The following BLTP2 variants were observed in gnomAD, a reference collection of about 807,000 sequenced individuals.
BLTP2 encodes U937-associated antigen.
At chr17:28,623,945 T>C in the BLTP2 span, 2 of 1,613,806 alleles carry the variant, frequency 1.2e-6, no homozygotes, top group Non-Finnish European at 1.7e-6. Flanking sequence ...CAGCCTTCTG[T>C]CTCTGCTCCA....
chr17:28,634,684 A>G, the BLTP2 span: 47 of 1,614,038 alleles, frequency 2.9e-5, no homozygotes, highest in Non-Finnish European at 3.8e-5. Flanking sequence ...TAGCCCTGCT[A>G]AGCTCCAAGT....
chr17:28,631,201 T>C, the BLTP2 span, among the ~76,000 whole-genome samples: 1 of 152,106 alleles, frequency 6.6e-6, no homozygotes. Flanking sequence ...GCTTTTACAA[T>C]AAGAGAAACC....
the BLTP2 span, chr17:28,634,144 G>A: frequency 1.4e-6 from 2 of 1,464,816 alleles, no homozygotes; most frequent in African/African-American, 1.4e-5. Context: ...GCACTCTCGG[G>A]CCTATCTTTT....
chr17:28,623,379 C>T, the BLTP2 span, among the ~76,000 whole-genome samples: 1 of 152,112 alleles, frequency 6.6e-6, no homozygotes, highest in Non-Finnish European at 1.5e-5. Context: ...CTGAAATAAC[C>T]AATCAGTCAT....
the BLTP2 span, among the ~76,000 whole-genome samples, chr17:28,629,923 G>A: frequency 1.3e-5 from 2 of 151,982 alleles, no homozygotes; most frequent in African/African-American, 2.4e-5. Flanking sequence ...CCTTAATGGT[G>A]CAATCCTGGC....
the BLTP2 span, among the ~76,000 whole-genome samples, chr17:28,625,980 G>A: frequency 6.6e-6 from 1 of 152,176 alleles, no homozygotes; most frequent in Non-Finnish European, 1.5e-5. Context: ...GGCCAGGCTG[G>A]TCTCAAGCTC....
At chr17:28,640,033 G>A in the BLTP2 span, 44 of 1,612,662 alleles carry the variant, frequency 2.7e-5, no homozygotes, top group Admixed American at 3.3e-5. Flanking sequence ...TGCCTGGACC[G>A]AGACAGATTC....
chr17:28,633,469 C>T, the BLTP2 span: 4 of 1,581,408 alleles, frequency 2.5e-6, no homozygotes, highest in East Asian at 4.5e-5. Context: ...CAAATCAGCA[C>T]CTGTCTCTCT....
At chr17:28,642,081 G>C in the BLTP2 span, 1 of 1,613,244 alleles carries the variant, frequency 6.2e-7, no homozygotes, top group Non-Finnish European at 8.5e-7. Context: ...GTGTCCTCCT[G>C]TGGGGATGAT....
chr17:28,632,202 G>C, the BLTP2 span: 2 of 1,613,692 alleles, frequency 1.2e-6, no homozygotes, highest in South Asian at 2.2e-5. Flanking sequence ...TCCAGCGCAG[G>C]GTACTACTAT....
At chr17:28,622,160 G>T in the BLTP2 span, among the ~76,000 whole-genome samples, 1 of 152,128 alleles carries the variant, frequency 6.6e-6, no homozygotes, top group Non-Finnish European at 1.5e-5. Context: ...TGCAAAAAAT[G>T]CCAGAAAGAT....
the BLTP2 span, chr17:28,637,737 T>C: frequency 8.4e-7 from 1 of 1,189,822 alleles, no homozygotes; most frequent in Non-Finnish European, 1.2e-6. Flanking sequence ...AGTGGCACCA[T>C]CTCAGCTCAC....
At chr17:28,623,794 G>C in the BLTP2 span, 1 of 1,614,156 alleles carries the variant, frequency 6.2e-7, no homozygotes, top group Non-Finnish European at 8.5e-7. Context: ...CTGCTCTGTG[G>C]GGCTGCTTTC....
the BLTP2 span, among the ~76,000 whole-genome samples, chr17:28,625,350 A>AG: frequency 6.6e-6 from 1 of 150,454 alleles, no homozygotes; most frequent in African/African-American, 2.4e-5. Flanking sequence ...AAAAAAAAAA[A>AG]AAAAAAAAGA....
the BLTP2 span, among the ~76,000 whole-genome samples, chr17:28,621,651 G>A: frequency 1.3e-5 from 2 of 152,150 alleles, no homozygotes; most frequent in African/African-American, 2.4e-5. Context: ...CCAGGATAGA[G>A]GACATACTTG....
chr17:28,638,500 T>G, the BLTP2 span: 1 of 1,600,460 alleles, frequency 6.2e-7, no homozygotes, highest in Non-Finnish European at 8.6e-7. Context: ...AGATTCTTGT[T>G]CCTATTCCAT....
At chr17:28,637,720 C>G in the BLTP2 span, 9 of 924,892 alleles carry the variant, frequency 9.7e-6, no homozygotes, top group African/African-American at 1.5e-4. Context: ...TGCCCAGGCT[C>G]GAGTGCAGTG....
At chr17:28,617,224 A>G in the BLTP2 span, 1 of 1,610,404 alleles carries the variant, frequency 6.2e-7, no homozygotes, top group South Asian at 1.1e-5. Flanking sequence ...AGGGGAAAAA[A>G]GACTTGCCTT....
the BLTP2 span, chr17:28,615,543 C>T: frequency 1.6e-6 from 2 of 1,277,418 alleles, no homozygotes; most frequent in Admixed American, 2.2e-5. Flanking sequence ...AAGCCACTCA[C>T]TTCATGCACC....
Sources: allele counts gnomAD v4.1 joint callset (sites outside exome capture counted in the v4.1 genomes callset), GRCh38; gene constraint gnomAD v4.1.1; transcripts MANE v1.5; gene names NCBI Gene and HGNC (gene_info 2026-07-23, HGNC 2026-07-21).